Variants in HDAC9 observed in about 807,000 individuals in gnomAD.
HDAC9 encodes histone deacetylase 9, also known as MEF-2 interacting transcription repressor (MITR) protein.
A neutral mutation model predicts 139.4 loss-of-function variants in HDAC9; 41 were observed. The observed-to-expected ratio is 0.29, with a 90% CI of 0.23 to 0.38. HDAC9 has a LOEUF of 0.38. HDAC9 is among the 10% of genes least tolerant of loss of function. HDAC9 has a pLI of 1.00. For synonymous variants in HDAC9, 517 were observed against 476.2 expected, an observed-to-expected ratio of 1.09 and a Z score of -1.12; for missense variants, 1,147 against 1,297.0, an observed-to-expected ratio of 0.88 and a Z score of 1.78.
At chr7:18,917,324 C>A (rs1380390828) in intron 22 of HDAC9, among the ~76,000 whole-genome samples, 1 of 151,756 alleles carries the variant, frequency 6.6e-6, no homozygotes, top group African/African-American at 2.4e-5. Flanking sequence ...TGAAAAAAAA[C>A]TGGGATTTTT....
At chr7:18,673,756 C>T (rs1423517656) in intron 12 of HDAC9, among the ~76,000 whole-genome samples, 1 of 151,978 alleles carries the variant, frequency 6.6e-6, no homozygotes, top group African/African-American at 2.4e-5. Flanking sequence ...AAAACTTGAA[C>T]AGATGAATTT....
intron 1 of HDAC9, among the ~76,000 whole-genome samples, chr7:18,318,974 A>T (rs1303635026): frequency 6.6e-6 from 1 of 152,198 alleles, no homozygotes; most frequent in Admixed American, 6.5e-5. Flanking sequence ...TCTCAGGCCC[A>T]TTCCAGACCT....
chr7:18,254,038 T>C (rs952700537), intron 2 of HDAC9, among the ~76,000 whole-genome samples: 4 of 152,242 alleles, frequency 2.6e-5, no homozygotes, highest in African/African-American at 9.6e-5. Context: ...TGTTTAAACA[T>C]CATGCATTGA....
chr7:18,294,524 A>C (rs1186310077), intron 1 of HDAC9, among the ~76,000 whole-genome samples: 1 of 152,114 alleles, frequency 6.6e-6, no homozygotes, highest in African/African-American at 2.4e-5. Flanking sequence ...GATATGACAA[A>C]ATGGAAAATA....
intron 21 of HDAC9, among the ~76,000 whole-genome samples, chr7:18,852,318 A>G (rs1412208622): frequency 6.6e-6 from 1 of 152,172 alleles, no homozygotes; most frequent in Non-Finnish European, 1.5e-5. Flanking sequence ...AGGACTCTTA[A>G]TCCAAGTCTT....
chr7:18,660,412 T>C (rs972123959), intron 11 of HDAC9, among the ~76,000 whole-genome samples: 4 of 152,186 alleles, frequency 2.6e-5, no homozygotes, highest in African/African-American at 9.6e-5. Flanking sequence ...CTTTTAGACA[T>C]TGACTTTGTT....
intron 2 of HDAC9, among the ~76,000 whole-genome samples, chr7:18,539,714 AC>A (rs1812116033): frequency 6.6e-6 from 1 of 151,958 alleles, no homozygotes; most frequent in African/African-American, 2.4e-5. Context: ...AAAAGGAAAA[AC>A]ATTTGGTAGG....
At chr7:18,386,251 A>G (rs560332226) in intron 1 of HDAC9, among the ~76,000 whole-genome samples, 3 of 152,206 alleles carry the variant, frequency 2.0e-5, no homozygotes, top group South Asian at 4.2e-4. Context: ...GCAGCCCCAT[A>G]ATGTGCACCC....
chr7:18,674,049 C>T (rs1795818438), intron 12 of HDAC9, among the ~76,000 whole-genome samples: 1 of 151,964 alleles, frequency 6.6e-6, no homozygotes, highest in Non-Finnish European at 1.5e-5. Flanking sequence ...GATGAGACCA[C>T]CATTTAGACA....
chr7:18,451,573 G>T (rs1309774407), intron 1 of HDAC9, among the ~76,000 whole-genome samples: 1 of 151,850 alleles, frequency 6.6e-6, no homozygotes, highest in Admixed American at 6.6e-5. Context: ...CTGACATGTG[G>T]ATTTCCCAGA....
chr7:18,324,382 C>T (rs1274723931), intron 1 of HDAC9, among the ~76,000 whole-genome samples: 1 of 152,162 alleles, frequency 6.6e-6, no homozygotes, highest in Non-Finnish European at 1.5e-5. Flanking sequence ...CTCAATTTTC[C>T]TGTCTCTGAA....
chr7:18,806,261 A>G lies in HDAC9; in HGVS notation c.2322+12809A>G, dbSNP rs190904140. ...AATTACCCCAAATTTGGTGGCTTAA[A>G]ACAATGCAAATTTATTCTTTTCAGT... is the stretch of plus-strand genomic sequence containing the variant. On this transcript the variant is annotated intron_variant, in intron 17 of 25. Transcript: ENST00000686413. Among the ~76,000 whole-genome samples, 79 of 152,328 alleles carry G rather than the reference A, an allele frequency of 5.2e-4. No individual in the cohort carries two copies. In the South Asian group the frequency reaches 0.011, roughly 20 times the overall value.
At chr7:18,749,908 A>G (rs1788297142) in intron 14 of HDAC9, among the ~76,000 whole-genome samples, 2 of 152,164 alleles carry the variant, frequency 1.3e-5, no homozygotes, top group South Asian at 2.1e-4. Flanking sequence ...GTTTTCTCAC[A>G]TTATTTTAAC....
intron 1 of HDAC9, among the ~76,000 whole-genome samples, chr7:18,345,095 C>T (rs944028282): frequency 4.6e-5 from 7 of 151,822 alleles, no homozygotes; most frequent in Non-Finnish European, 7.4e-5. Flanking sequence ...AAATAACCAG[C>T]AAGCAAACAC....
chr7:18,092,825 T>A (rs1782254503), intron 1 of HDAC9, among the ~76,000 whole-genome samples: 1 of 152,066 alleles, frequency 6.6e-6, no homozygotes, highest in Non-Finnish European at 1.5e-5. Flanking sequence ...CATTTATGAG[T>A]GGTAGTGATA....
At position 18,484,203 on chromosome 7, in the gene HDAC9, G is replaced by A. The variant is rs938006620; in HGVS notation, c.-41-12059G>A. ...AAAAAAAAAAAAAAAAAATTAGCCA[G>A]TCATGGTGGTGTGTGCCTGTAGTCC... is the stretch of plus-strand genomic sequence containing the variant. On this transcript the variant is annotated intron_variant, in intron 1 of 3. Transcript: ENST00000413509. Among the ~76,000 whole-genome samples, 6 of 150,010 alleles carry A rather than the reference G, an allele frequency of 4.0e-5. No homozygotes were observed. The East Asian group carries it at 1.2e-3, about 29-fold the overall frequency.
chr7:18,112,301 AT>A (rs1273588346), intron 1 of HDAC9, among the ~76,000 whole-genome samples: 2 of 152,140 alleles, frequency 1.3e-5, no homozygotes, highest in African/African-American at 4.8e-5. Context: ...CAAATCGGAG[AT>A]TTTGTTTTGT....
intron 1 of HDAC9, among the ~76,000 whole-genome samples, chr7:18,390,188 T>C (rs1786342537): frequency 6.6e-6 from 1 of 152,052 alleles, no homozygotes; most frequent in African/African-American, 2.4e-5. Context: ...TCTTGGCTTT[T>C]GTTAGGAAGA....
At chr7:18,801,445 T>G (rs569504327) in intron 17 of HDAC9, among the ~76,000 whole-genome samples, 2 of 152,088 alleles carry the variant, frequency 1.3e-5, no homozygotes, top group Non-Finnish European at 2.9e-5. Context: ...ACATCTACCT[T>G]GGTTATGATT....
Sources: allele counts gnomAD v4.1 joint callset (sites outside exome capture counted in the v4.1 genomes callset), GRCh38; gene constraint gnomAD v4.1.1; transcripts MANE v1.5; gene names NCBI Gene and HGNC (gene_info 2026-07-23, HGNC 2026-07-21).